UBE2A: variants seen among roughly 807,000 people sequenced by gnomAD.
UBE2A encodes the protein ubiquitin conjugating enzyme E2 A.
For missense variants in UBE2A, 27 were observed against 125.8 expected (o/e 0.21, Z 3.76); for synonymous variants, 39 against 41.1 (o/e 0.95, Z 0.20).
chrX:119,579,877 A>G (rs186979503), intron 3 of UBE2A, among the ~76,000 whole-genome samples: 3 of 112,190 alleles, frequency 2.7e-5, no homozygotes, highest in Admixed American at 9.5e-5. Context: ...ATGTGTTTAC[A>G]CTTGAGATCA....
intron 3 of UBE2A, among the ~76,000 whole-genome samples, chrX:119,578,042 A>G (rs6603535): frequency 0.17 from 19,290 of 110,788 alleles, 1,955 homozygotes; most frequent in African/African-American, 0.38. Context: ...GCTGTTTCCA[A>G]TGTATTATGT....
At chrX:119,575,508 C>T in intron 3 of UBE2A, 108 bp downstream of exon 3, 1 of 1,035,154 alleles carries the variant, frequency 9.7e-7, no homozygotes, top group Non-Finnish European at 1.4e-6. Context: ...TCTGCCTAGC[C>T]TCTGTCTGCT....
At chrX:119,582,514 A>G (rs539538821) in intron 4 of UBE2A, 74 bp from the exon 5 acceptor site, 13 of 778,045 alleles carry the variant, frequency 1.7e-5, no homozygotes, top group Admixed American at 1.0e-4. Flanking sequence ...ATTCTTGACT[A>G]TTTTTGTTTT....
At chrX:119,575,202 C>T in intron 2 of UBE2A, 173 bp from the exon 3 acceptor site, 1 of 765,050 alleles carries the variant, frequency 1.3e-6, no homozygotes, top group Non-Finnish European at 1.9e-6. Flanking sequence ...GGAGTGGTGG[C>T]GGTTAGGCGC....
At chrX:119,580,775 A>G (rs2053444634) in intron 3 of UBE2A, 2 of 112,228 alleles carry the variant, frequency 1.8e-5, no homozygotes, top group African/African-American at 6.5e-5. Flanking sequence ...CAATAGTAGC[A>G]TAAACATTAG....
intron 3 of UBE2A, among the ~76,000 whole-genome samples, chrX:119,576,041 G>A (rs1321525225): frequency 8.9e-6 from 1 of 112,209 alleles, no homozygotes; most frequent in African/African-American, 3.2e-5. Flanking sequence ...CTTCACAATT[G>A]AAGTTAGCCT....
chrX:119,581,392 A>C lies in UBE2A; in HGVS notation c.152-115A>C, dbSNP rs1478488449. The C allele has an allele frequency of 2.7e-5, 14 of 518,304 alleles. No individual in the cohort carries two copies. In the Admixed American group the frequency reaches 4.1e-4, roughly 15 times the overall value. The allele number at this position is 518,304 out of a possible 1,213,427, so 42.7% of individuals were successfully genotyped here. A position where few individuals can be genotyped will look rare whatever the true frequency, so the allele number is the denominator to read the frequency against. ...ATTTCTTACCTGGCCTTTCCTCTCTACCCTGTATCTTTGCATTATTTAATA... is the reference window on the plus strand; with the variant it reads ...ATTTCTTACCTGGCCTTTCCTCTCTCCCCTGTATCTTTGCATTATTTAATA... On this transcript the variant is annotated intron_variant, in intron 3 of 5. Coordinates refer to ENST00000371558, the MANE Select transcript of UBE2A (RefSeq NM_003336.4).
intron 2 of UBE2A, 128 bp from the exon 3 acceptor site, chrX:119,575,247 C>G (rs999684526): frequency 6.1e-6 from 6 of 987,757 alleles, no homozygotes; most frequent in Non-Finnish European, 8.6e-6. Context: ...CCCGGGACAT[C>G]CATTTGTAGT....
intron 5 of UBE2A, 72 bp from the exon 6 acceptor site, chrX:119,583,055 A>T (rs774658215): frequency 1.7e-6 from 2 of 1,161,480 alleles, no homozygotes; most frequent in African/African-American, 1.8e-5. Flanking sequence ...GGACAATTCA[A>T]TTGAGTGTCA....
rs2053408048 is a variant in UBE2A, at chrX:119,575,252, T to A, written c.126-123T>A. On this transcript the variant is annotated intron_variant, in intron 2 of 5. Transcript: ENST00000371558. ...TGTCTCTGAGCCCGGGACATCCATTTGTAGTGGCTTCCGACCCCGGTAGCG... is the reference window on the plus strand; with the variant it reads ...TGTCTCTGAGCCCGGGACATCCATTAGTAGTGGCTTCCGACCCCGGTAGCG... 2.9e-6 allele frequency: 3 copies of A among 1,022,129 alleles called. No individual in the cohort carries two copies. In the Admixed American group the frequency reaches 7.0e-5, roughly 24 times the overall value. The allele number at this position is 1,022,129 out of a possible 1,213,427, so 84.2% of individuals were successfully genotyped here. A position where few individuals can be genotyped will look rare whatever the true frequency, so the allele number is the denominator to read the frequency against.
chrX:119,577,098 T>C, intron 3 of UBE2A: 1 of 111,278 alleles, frequency 9.0e-6, no homozygotes, highest in Non-Finnish European at 1.9e-5. Context: ...TAATTTTTTG[T>C]ATCTTTAGTA....
chrX:119,582,721 T>C lies in UBE2A; in HGVS notation c.330+45T>C, dbSNP rs758411759. ...GACGAACTATAACTTTTAATATGTT[T>C]ATATTAGCAATTGAATTGTTTTTGA... On this transcript the variant is annotated intron_variant, in intron 5 of 5. Transcript: ENST00000371558. 7.4e-6 allele frequency: 7 copies of C among 951,310 alleles called. No homozygotes were observed. In the East Asian group the frequency reaches 1.5e-4, roughly 21 times the overall value. 78.4% of individuals were successfully genotyped at this position (951,310 alleles called of 1,213,427 possible). A position where few individuals can be genotyped will look rare whatever the true frequency, so the allele number is the denominator to read the frequency against.
intron 4 of UBE2A, chrX:119,582,350 A>G: frequency 4.2e-6 from 1 of 238,723 alleles, no homozygotes; most frequent in Non-Finnish European, 7.5e-6. Flanking sequence ...AGCCTTTTCC[A>G]AAGGATGAAC....
chrX:119,579,497 TG>T (rs2053437664), intron 3 of UBE2A, among the ~76,000 whole-genome samples: 3 of 112,048 alleles, frequency 2.7e-5, no homozygotes, highest in Non-Finnish European at 5.6e-5. Context: ...CTTAACTTTG[TG>T]GAACTATGCA....
At chrX:119,574,830 G>C in intron 1 of UBE2A, 71 bp from the exon 2 acceptor site, 1 of 1,201,007 alleles carries the variant, frequency 8.3e-7, no homozygotes, top group East Asian at 3.0e-5. Flanking sequence ...CGCCGGGCGG[G>C]GAGGGCTGGG....
chrX:119,578,411 GTT>G (rs963125157), intron 3 of UBE2A, among the ~76,000 whole-genome samples: 1 of 110,816 alleles, frequency 9.0e-6, no homozygotes, highest in East Asian at 2.8e-4. Flanking sequence ...GGTATAAATC[GTT>G]TTTATTTTTT....
intron 2 of UBE2A, 30 bp from the exon 3 acceptor site, chrX:119,575,345 G>T (rs774434976): frequency 1.7e-6 from 2 of 1,209,931 alleles, no homozygotes; most frequent in Non-Finnish European, 2.2e-6. Flanking sequence ...CCCCTTAAGT[G>T]GGAACTGACC....
intron 3 of UBE2A, among the ~76,000 whole-genome samples, chrX:119,577,908 C>T (rs1006171160): frequency 9.0e-6 from 1 of 111,066 alleles, no homozygotes; most frequent in Non-Finnish European, 1.9e-5. Context: ...TCCCAAAGTG[C>T]TATGATTACA....
chrX:119,582,183 CTT>C (rs779971393), intron 4 of UBE2A, among the ~76,000 whole-genome samples: 13 of 112,198 alleles, frequency 1.2e-4, no homozygotes, highest in Non-Finnish European at 2.4e-4. Context: ...ATATGTTTAT[CTT>C]TATGCCAAAA....
Sources: gnomAD v4.1 joint callset for allele counts (sites outside exome capture counted in the v4.1 genomes callset) on GRCh38, gnomAD v4.1.1 for gene constraint, MANE v1.5 for transcripts, NCBI Gene and HGNC (gene_info 2026-07-23, HGNC 2026-07-21) for gene names.